Variants in FARS2 observed in about 807,000 individuals in gnomAD.
The protein encoded by FARS2 is phenylalanyl-tRNA synthetase 2, mitochondrial, also known as phenylalanine--tRNA ligase, mitochondrial.
FARS2 carries 40 observed loss-of-function variants against 46.4 expected under a neutral mutation model. That is an observed-to-expected ratio of 0.86 (90% confidence interval 0.67 to 1.12). The LOEUF (loss-of-function observed/expected upper bound fraction) is 1.12, where lower values mean the gene tolerates loss of function less well. FARS2 is among the 50% of genes most tolerant of loss of function. FARS2 has a pLI of 0.00. For missense variants in FARS2, 513 were observed against 567.9 expected (o/e 0.90, Z 0.98); for synonymous variants, 234 against 214.9 (o/e 1.09, Z -0.78).
intron 4 of FARS2, among the ~76,000 whole-genome samples, chr6:5,475,707 G>T (rs913844960): frequency 2.6e-5 from 4 of 152,100 alleles, no homozygotes; most frequent in African/African-American, 9.7e-5. Flanking sequence ...TGCTCTTACT[G>T]GTCTCTGTAG....
At chr6:5,720,518 T>G (rs532776045) in intron 6 of FARS2, among the ~76,000 whole-genome samples, 5 of 152,332 alleles carry the variant, frequency 3.3e-5, no homozygotes, top group African/African-American at 1.2e-4. Flanking sequence ...TTTACAATAT[T>G]CATTCAGCAT....
At chr6:5,751,172 A>G (rs189200669) in intron 6 of FARS2, among the ~76,000 whole-genome samples, 1 of 152,218 alleles carries the variant, frequency 6.6e-6, no homozygotes, top group East Asian at 1.9e-4. Flanking sequence ...TTTTAATTGT[A>G]TTAGGAAATC....
intron 4 of FARS2, among the ~76,000 whole-genome samples, chr6:5,485,674 T>TA (rs1468474159): frequency 1.4e-4 from 21 of 152,226 alleles, no homozygotes; most frequent in Admixed American, 1.3e-3. Flanking sequence ...TTAACAAATG[T>TA]AAAAAACATT....
At chr6:5,421,496 G>A (rs988291037) in intron 3 of FARS2, among the ~76,000 whole-genome samples, 16 of 152,122 alleles carry the variant, frequency 1.1e-4, no homozygotes, top group Non-Finnish European at 2.1e-4. Context: ...TCAGAAAATG[G>A]GATTTTCTTT....
At chr6:5,496,076 ATTC>A (rs1406740927) in intron 4 of FARS2, among the ~76,000 whole-genome samples, 3 of 152,112 alleles carry the variant, frequency 2.0e-5, no homozygotes, top group Admixed American at 1.3e-4. Flanking sequence ...CCCCCAGCTA[ATTC>A]TTCTACTTTC....
intron 4 of FARS2, among the ~76,000 whole-genome samples, chr6:5,525,098 T>C (rs1035747491): frequency 1.3e-5 from 2 of 151,960 alleles, no homozygotes; most frequent in African/African-American, 4.8e-5. Context: ...GGCACTCGCT[T>C]TCCTCTGAAA....
chr6:5,278,624 T>C (rs1766504075), intron 1 of FARS2, among the ~76,000 whole-genome samples: 3 of 152,230 alleles, frequency 2.0e-5, no homozygotes, highest in Non-Finnish European at 4.4e-5. Flanking sequence ...CTATTCAACC[T>C]CACTAGGTTT....
At chr6:5,291,341 T>G (rs557845241) in intron 1 of FARS2, 7 of 152,338 alleles carry the variant, frequency 4.6e-5, no homozygotes, top group Admixed American at 1.3e-4. Flanking sequence ...GAACACCTTC[T>G]AAACTTTTTT....
At chr6:5,546,721 T>G (rs930239578) in intron 5 of FARS2, among the ~76,000 whole-genome samples, 1 of 151,934 alleles carries the variant, frequency 6.6e-6, no homozygotes, top group Admixed American at 6.6e-5. Context: ...GTCTTCTCTT[T>G]GGGTTGCTCA....
intron 4 of FARS2, among the ~76,000 whole-genome samples, chr6:5,510,171 A>T (rs1768351094): frequency 6.6e-6 from 1 of 152,156 alleles, no homozygotes; most frequent in Non-Finnish European, 1.5e-5. Flanking sequence ...CTATTTAAAC[A>T]AAGATTTTGC....
chr6:5,770,771 A>T (rs1002104759), intron 6 of FARS2, among the ~76,000 whole-genome samples: 1 of 152,196 alleles, frequency 6.6e-6, no homozygotes, highest in African/African-American at 2.4e-5. Flanking sequence ...CACGGCATAT[A>T]TGGCCTGTAT....
chr6:5,267,255 G>A (rs1765613424), intron 1 of FARS2, among the ~76,000 whole-genome samples: 1 of 151,050 alleles, frequency 6.6e-6, no homozygotes, highest in Non-Finnish European at 1.5e-5. Context: ...CTTTTACAGT[G>A]TGATTTGTTG....
chr6:5,405,377 A>C (rs1291739241), intron 3 of FARS2, among the ~76,000 whole-genome samples: 1 of 151,880 alleles, frequency 6.6e-6, no homozygotes, highest in East Asian at 1.9e-4. Context: ...AAGAATGATA[A>C]TGGATTAGGT....
At chr6:5,303,958 C>G (rs551599890) in intron 1 of FARS2, among the ~76,000 whole-genome samples, 2 of 152,180 alleles carry the variant, frequency 1.3e-5, no homozygotes, top group African/African-American at 4.8e-5. Flanking sequence ...CTGTGTGGCT[C>G]AGCCCATGAT....
rs62386902 is a variant in FARS2 at position 5,370,228 on chromosome 6, C to T, written c.612+1046C>T. 7.1e-4 allele frequency among the ~76,000 whole-genome samples: 108 copies of T among 152,256 alleles called. 1 individual carries two copies. The highest frequency in any genetic ancestry group is 2.1e-3 in the Admixed American group (32 of 15,282). On this transcript the variant is annotated intron_variant, in intron 2 of 6. Coordinates refer to ENST00000274680, the MANE Select transcript of FARS2 (RefSeq NM_006567.5). ...AGTCCTATAGCAGGAGATAACTGAA[C>T]AGGACTGCCCTCCCCTTCTCTCCTT... is the stretch of plus-strand genomic sequence containing the variant.
At chr6:5,389,903 CA>C (rs1192577629) in intron 2 of FARS2, among the ~76,000 whole-genome samples, 2 of 152,116 alleles carry the variant, frequency 1.3e-5, no homozygotes, top group African/African-American at 4.8e-5. Flanking sequence ...GTCTCTCTGT[CA>C]CCCAAGCTGG....
chr6:5,371,576 T>C (rs1182134327), intron 2 of FARS2, among the ~76,000 whole-genome samples: 2 of 152,134 alleles, frequency 1.3e-5, no homozygotes, highest in Non-Finnish European at 2.9e-5. Context: ...ATGAAAACTC[T>C]AGTGAACAGT....
chr6:5,332,047 G>GAA (rs1770834381), intron 1 of FARS2, among the ~76,000 whole-genome samples: 1 of 152,098 alleles, frequency 6.6e-6, no homozygotes, highest in Non-Finnish European at 1.5e-5. Flanking sequence ...AGATATTCCT[G>GAA]ATCCCCTTTA....
At chr6:5,257,231 C>T (rs903969418), upstream of FARS2, among the ~76,000 whole-genome samples, 1 of 152,164 alleles carries the variant, frequency 6.6e-6, no homozygotes, top group African/African-American at 2.4e-5. Context: ...CCTCTCCAAC[C>T]TCAGTGCCTT....
Sources: allele counts gnomAD v4.1 joint callset (sites outside exome capture counted in the v4.1 genomes callset), GRCh38; gene constraint gnomAD v4.1.1; transcripts MANE v1.5; gene names NCBI Gene and HGNC (gene_info 2026-07-23, HGNC 2026-07-21).